Variants in UNKL observed in about 807,000 individuals in gnomAD.
UNKL encodes the protein putative E3 ubiquitin-protein ligase UNKL.
A neutral mutation model predicts 78.0 loss-of-function variants in UNKL; 60 were observed. The ratio of observed to expected loss-of-function variants is 0.77; its 90% CI spans 0.63 to 0.95. The LOEUF (loss-of-function observed/expected upper bound fraction) is 0.95, where lower values mean the gene tolerates loss of function less well. UNKL is among the 40% of genes least tolerant of loss of function. UNKL has a pLI of 0.00. For synonymous variants in UNKL, 608 were observed against 474.8 expected, an observed-to-expected ratio of 1.28 and a Z score of -3.65; for missense variants, 1,159 against 1,045.7, an observed-to-expected ratio of 1.11 and a Z score of -1.49.
intron 2 of UNKL, among the ~76,000 whole-genome samples, chr16:1,410,726 T>A (rs950777119): frequency 4.6e-5 from 7 of 152,122 alleles, no homozygotes; most frequent in African/African-American, 1.7e-4. Flanking sequence ...GGATCCCAGG[T>A]CTGGGCAGAT....
At chr16:1,385,185 A>G in intron 10 of UNKL, 23 bp downstream of exon 10, 1 of 1,248,542 alleles carries the variant, frequency 8.0e-7, no homozygotes, top group Non-Finnish European at 1.0e-6. Context: ...GTCAGGGAGA[A>G]AGGAGGACGG....
At chr16:1,376,191 C>A (rs1567209578) in intron 10 of UNKL, among the ~76,000 whole-genome samples, 1 of 138,156 alleles carries the variant, frequency 7.2e-6, no homozygotes, top group Non-Finnish European at 1.6e-5. Context: ...GCATGCTCCT[C>A]CCTCCTCCCT....
At position 1,399,692 on chromosome 16, in the gene UNKL, C is replaced by T. The variant is rs904836592; in HGVS notation, c.599-183G>A. ...AGGACTCGCGCTCCATGAGGGAAGC[C>T]GGGCCAGAAGGCCACGTGGTGTGAT... is the stretch of plus-strand genomic sequence containing the variant. On this transcript the variant is annotated intron_variant, in intron 4 of 14. Coordinates refer to ENST00000389221, the MANE Select transcript of UNKL (RefSeq NM_001372107.1). This position sits in a 1 kb window ranked among gnomAD's most constrained non-coding sequence, Gnocchi z 5.8. The T allele has an allele frequency of 8.7e-6, 8 of 917,264 alleles. No homozygotes were observed. The highest frequency in any genetic ancestry group is 3.3e-5 in the South Asian group (2 of 61,202). 56.8% of individuals were successfully genotyped at this position (917,264 alleles called of 1,614,324 possible). A position where few individuals can be genotyped will look rare whatever the true frequency, so the allele number is the denominator to read the frequency against.
intron 1 of UNKL, among the ~76,000 whole-genome samples, 154 bp downstream of exon 1, chr16:1,414,461 A>T (rs1157152471): frequency 6.6e-6 from 1 of 150,566 alleles, no homozygotes; most frequent in African/African-American, 2.4e-5. Context: ...CCTCAGGCGG[A>T]GGCCGCCGAG....
At chr16:1,398,553 C>T (rs1596742390) in intron 5 of UNKL, 6 of 1,360,318 alleles carry the variant, frequency 4.4e-6, no homozygotes, top group Middle Eastern at 2.8e-4. Flanking sequence ...CCGGGGCATG[C>T]GAGGCAGCAC....
At chr16:1,376,556 G>T (rs2036240514) in intron 10 of UNKL, among the ~76,000 whole-genome samples, 1 of 152,090 alleles carries the variant, frequency 6.6e-6, no homozygotes, top group Admixed American at 6.5e-5. Flanking sequence ...CTGCTCTGGG[G>T]GCCACCTCTT....
At position 1,403,478 on chromosome 16, in the gene UNKL, CAGA is replaced by C; in HGVS notation, c.288-137_288-135del. Reference sequence around the variant, plus strand: ...CCTTCTTCCAGATTCCTGTTCTAATCAGAAGGACGGACACACTGGACGCAGCAC... The same window carrying C: ...CCTTCTTCCAGATTCCTGTTCTAATCAGGACGGACACACTGGACGCAGCAC... On this transcript the variant is annotated intron_variant, in intron 2 of 14. Transcript: ENST00000389221. This position sits in a 1 kb window ranked among gnomAD's most constrained non-coding sequence, Gnocchi z 4.8. 8.7e-7 allele frequency: 1 copy of C among 1,147,418 alleles called. No homozygotes were observed. The highest frequency in any genetic ancestry group is 1.6e-5 in the African/African-American group (1 of 64,270). The allele number at this position is 1,147,418 out of a possible 1,614,324, so 71.1% of individuals were successfully genotyped here.
intron 10 of UNKL, chr16:1,379,498 C>A: frequency 3.0e-6 from 3 of 985,376 alleles, no homozygotes; most frequent in Non-Finnish European, 3.6e-6. Flanking sequence ...CACCCCGCGG[C>A]TGTCACACCC....
intron 2 of UNKL, among the ~76,000 whole-genome samples, chr16:1,404,970 G>A (rs1403058172): frequency 4.6e-5 from 7 of 152,152 alleles, no homozygotes; most frequent in Non-Finnish European, 7.4e-5. Context: ...GAGACAGGAG[G>A]ATTGCTTGAG....
At chr16:1,397,797 A>C (rs1356820571) in intron 5 of UNKL, among the ~76,000 whole-genome samples, 2 of 150,170 alleles carry the variant, frequency 1.3e-5, no homozygotes, top group African/African-American at 4.9e-5. Flanking sequence ...CCCGTGCTTC[A>C]CGCTGGGGCA....
intron 10 of UNKL, among the ~76,000 whole-genome samples, chr16:1,372,177 T>A (rs1339999762): frequency 6.6e-6 from 1 of 151,516 alleles, no homozygotes; most frequent in East Asian, 1.9e-4. Context: ...GGCGGAAGAA[T>A]GGTGTGAACC....
intron 10 of UNKL, among the ~76,000 whole-genome samples, chr16:1,378,452 C>T (rs755656230): frequency 3.3e-5 from 5 of 152,208 alleles, no homozygotes; most frequent in South Asian, 2.1e-4. Flanking sequence ...AAATCAAAGA[C>T]GCAAAGAAGT....
chr16:1,374,866 C>A (rs1041904117), intron 10 of UNKL, among the ~76,000 whole-genome samples: 5 of 152,208 alleles, frequency 3.3e-5, no homozygotes, highest in African/African-American at 1.2e-4. Context: ...ACAGCTGGGG[C>A]CTTTCCAGAC....
chr16:1,406,223 T>TC (rs1275659240), intron 2 of UNKL: 1 of 341,310 alleles, frequency 2.9e-6, no homozygotes, highest in Non-Finnish European at 5.9e-6. Context: ...TGCTAATTTT[T>TC]TTTTTTTTTG....
chr16:1,370,471 G>C (rs1043716259), intron 11 of UNKL, 114 bp from the exon 12 acceptor site: 49 of 1,440,398 alleles, frequency 3.4e-5, no homozygotes, highest in African/African-American at 4.3e-5. Context: ...GTGGGGATAT[G>C]GGGGGTGGGA....
intron 10 of UNKL, among the ~76,000 whole-genome samples, chr16:1,372,029 G>T (rs556386592): frequency 6.6e-6 from 1 of 152,096 alleles, no homozygotes; most frequent in South Asian, 2.1e-4. Flanking sequence ...GGCCGAGGTG[G>T]GCAGATCACA....
Position 1,414,641 on chromosome 16 carries a change from C to T in UNKL, c.51G>A (p.Pro17=). 8 of 1,114,514 alleles carry T rather than the reference C, an allele frequency of 7.2e-6. No homozygotes were observed. The highest frequency in any genetic ancestry group is 5.0e-5 in the South Asian group (2 of 40,376). 69.0% of individuals were successfully genotyped at this position (1,114,514 alleles called of 1,614,324 possible). The change falls in exon 1 of 15, where the codon CCG becomes CCA. Residue 17 remains proline, a synonymous_variant. Coordinates refer to ENST00000389221, the MANE Select transcript of UNKL (RefSeq NM_001372107.1). ...TGTAGTGGGTCGGCTTCTCAGTCTG[C>T]GGGGGGGACCCGCTCAGCGCCGCTG... ...AAAAALSGSP[P]QTEKPTHYRY...
At position 1,366,091 on chromosome 16, in the gene UNKL, G is replaced by C. The variant is rs923431281; in HGVS notation, c.*149C>G. 1.1e-6 allele frequency: 1 copy of C among 946,860 alleles called. No individual in the cohort carries two copies. Among genetic ancestry groups the C allele is most frequent in the Admixed American group, 3.4e-5 (1 of 29,366 alleles). The allele number at this position is 946,860 out of a possible 1,614,324, so 58.7% of individuals were successfully genotyped here. On this transcript the variant is annotated 3_prime_UTR_variant, in exon 15 of 15. Coordinates refer to ENST00000389221, the MANE Select transcript of UNKL (RefSeq NM_001372107.1). ...GGCTGTCAGGCCAAGCGCAGGCGGG[G>C]CTCCCAGCCTCATGATAACGTGTAA...
chr16:1,405,165 A>G (rs2037693472), intron 2 of UNKL, among the ~76,000 whole-genome samples: 1 of 141,704 alleles, frequency 7.1e-6, no homozygotes, highest in Non-Finnish European at 1.5e-5. Context: ...ACCACACTTC[A>G]GCATGGGCAA....
Sources: gnomAD v4.1 joint callset for allele counts (sites outside exome capture counted in the v4.1 genomes callset) on GRCh38, gnomAD v4.1.1 for gene constraint, Gnocchi (gnomAD v3.1) non-coding constraint, MANE v1.5 for transcripts, NCBI Gene and HGNC (gene_info 2026-07-23, HGNC 2026-07-21) for gene names.